GPC6: variants seen among roughly 807,000 people sequenced by gnomAD.
GPC6 encodes glypican 6.
A neutral mutation model predicts 55.2 loss-of-function variants in GPC6; 14 were observed. The ratio of observed to expected loss-of-function variants is 0.25; its 90% CI spans 0.17 to 0.40. The LOEUF (loss-of-function observed/expected upper bound fraction) is 0.40, where lower values mean the gene tolerates loss of function less well. Ranked by LOEUF, GPC6 falls within the 10% of genes least tolerant of loss-of-function variation. GPC6 has a pLI of 1.00. For synonymous variants in GPC6, 278 were observed against 259.6 expected (o/e 1.07, Z -0.68); for missense variants, 641 against 708.5 (o/e 0.90, Z 1.08).
chr13:94,044,941 A>G (rs1217361820), intron 4 of GPC6, among the ~76,000 whole-genome samples: 1 of 151,932 alleles, frequency 6.6e-6, no homozygotes, highest in Non-Finnish European at 1.5e-5. Context: ...TTTTAAAACT[A>G]GGATATTCTT....
chr13:93,568,493 GA>G (rs2139470302), intron 2 of GPC6, among the ~76,000 whole-genome samples: 3 of 152,230 alleles, frequency 2.0e-5, no homozygotes, highest in Non-Finnish European at 4.4e-5. Flanking sequence ...TAGAAGGGAA[GA>G]GAAAGACAGA....
intron 1 of GPC6, among the ~76,000 whole-genome samples, chr13:93,383,617 C>A (rs1488361600): frequency 6.6e-6 from 1 of 152,120 alleles, no homozygotes; most frequent in Non-Finnish European, 1.5e-5. Flanking sequence ...CTTCTGAAGA[C>A]CATGTCATTT....
intron 1 of GPC6, among the ~76,000 whole-genome samples, chr13:93,329,474 C>T (rs970414110): frequency 6.6e-6 from 1 of 152,192 alleles, no homozygotes; most frequent in Non-Finnish European, 1.5e-5. Context: ...CTCTGTTGAT[C>T]AGCTACAATG....
In GPC6 at chr13:93,542,117, C is replaced by G. The variant is rs568588439; in HGVS notation, c.161-3146C>G. Reference sequence around the variant, plus strand: ...CTTGCCCATGCCTATGTCCTGAATGCTAATGCCTAGGTTTTATTCTAGGGT... The same window carrying G: ...CTTGCCCATGCCTATGTCCTGAATGGTAATGCCTAGGTTTTATTCTAGGGT... On this transcript the variant is annotated intron_variant, in intron 1 of 8. Transcript: ENST00000377047. Among the ~76,000 whole-genome samples, 311 of 152,180 alleles carry G rather than the reference C, an allele frequency of 2.0e-3. 1 individual carries two copies. Among genetic ancestry groups the G allele is most frequent in the African/African-American group, 6.5e-3 (270 of 41,520 alleles).
At chr13:93,319,737 A>G (rs1329682322) in intron 1 of GPC6, among the ~76,000 whole-genome samples, 1 of 152,162 alleles carries the variant, frequency 6.6e-6, no homozygotes, top group African/African-American at 2.4e-5. Context: ...GCATTGCCAA[A>G]TTAATGAAAA....
chr13:93,619,695 C>A (rs950565720), intron 2 of GPC6, among the ~76,000 whole-genome samples: 1 of 152,142 alleles, frequency 6.6e-6, no homozygotes, highest in African/African-American at 2.4e-5. Context: ...TTCCACCCTC[C>A]TCAAACTCCC....
In GPC6 at chr13:93,745,203, T is replaced by C. The variant is rs184011184; in HGVS notation, c.320-84951T>C. 1.5e-3 allele frequency among the ~76,000 whole-genome samples: 234 copies of C among 152,212 alleles called. 1 individual carries two copies. Among genetic ancestry groups the C allele is most frequent in the African/African-American group, 5.4e-3 (226 of 41,560 alleles). On this transcript the variant is annotated intron_variant, in intron 2 of 8. Transcript: ENST00000377047. ...ACATTGCTTACCTGACTTCCTTTGTTTGTAATTTTTTCCTTTCAGCCTTCC... is the reference window on the plus strand; with the variant it reads ...ACATTGCTTACCTGACTTCCTTTGTCTGTAATTTTTTCCTTTCAGCCTTCC...
intron 1 of GPC6, among the ~76,000 whole-genome samples, chr13:93,231,391 A>G (rs867996895): frequency 1.3e-3 from 27 of 21,462 alleles, no homozygotes; most frequent in African/African-American, 3.9e-3. Flanking sequence ...ATATATATAT[A>G]TATATGTATA....
intron 1 of GPC6, among the ~76,000 whole-genome samples, chr13:93,424,578 G>A (rs975932909): frequency 5.3e-5 from 8 of 151,914 alleles, no homozygotes; most frequent in African/African-American, 9.7e-5. Context: ...AGACTCTGAT[G>A]TTAGTAGCAG....
At chr13:94,028,480 G>A (rs1484277981) in intron 4 of GPC6, among the ~76,000 whole-genome samples, 2 of 148,910 alleles carry the variant, frequency 1.3e-5, no homozygotes, top group African/African-American at 5.0e-5. Flanking sequence ...GCACTCCCGT[G>A]AGAAAGGACG....
At chr13:94,243,999 T>G (rs892060594) in intron 4 of GPC6, among the ~76,000 whole-genome samples, 4 of 152,258 alleles carry the variant, frequency 2.6e-5, no homozygotes, top group African/African-American at 7.2e-5. Context: ...ATGATTATTT[T>G]CTAAAAAGTA....
At chr13:93,333,554 A>ATTTT (rs1879933244) in intron 1 of GPC6, among the ~76,000 whole-genome samples, 1 of 128,744 alleles carries the variant, frequency 7.8e-6, no homozygotes, top group Non-Finnish European at 1.6e-5. Flanking sequence ...TTTTTTTGAG[A>ATTTT]CAGGGTTTTA....
Position 94,158,195 on chromosome 13 carries a change from T to C in GPC6, c.878-128154T>C, listed in dbSNP as rs570714255. On this transcript the variant is annotated intron_variant, in intron 4 of 8. Coordinates refer to ENST00000377047, the MANE Select transcript of GPC6 (RefSeq NM_005708.5). The stretch of plus-strand genomic sequence containing the variant: ...TCTCCATGGAACATGCATTTTGTAA[T>C]AGCAAAATTATCAAGAGCCTTTTCA... Among the ~76,000 whole-genome samples the C allele has an allele frequency of 1.7e-3, 265 of 152,218 alleles. 2 individuals carry two copies. The highest frequency in any genetic ancestry group is 6.2e-3 in the African/African-American group (256 of 41,534).
intron 2 of GPC6, among the ~76,000 whole-genome samples, chr13:93,791,870 G>C (rs1886047177): frequency 6.6e-6 from 1 of 152,168 alleles, no homozygotes; most frequent in African/African-American, 2.4e-5. Flanking sequence ...TGTCTCAAAT[G>C]AATCTGTTAG....
At chr13:93,278,611 G>A (rs879924144) in intron 1 of GPC6, among the ~76,000 whole-genome samples, 6 of 152,052 alleles carry the variant, frequency 3.9e-5, no homozygotes, top group Admixed American at 6.6e-5. Context: ...TCTTATTCAC[G>A]TACAATAAAA....
chr13:94,295,097 A>G (rs1036130069), intron 5 of GPC6, among the ~76,000 whole-genome samples: 45 of 152,226 alleles, frequency 3.0e-4, no homozygotes, highest in Admixed American at 2.4e-3. Flanking sequence ...AGTATTCTTT[A>G]GACTAGGATA....
chr13:94,232,204 A>T (rs1594081469), intron 4 of GPC6, among the ~76,000 whole-genome samples: 1 of 152,228 alleles, frequency 6.6e-6, no homozygotes, highest in African/African-American at 2.4e-5. Flanking sequence ...TATTCCTTTC[A>T]TATGACCATG....
intron 6 of GPC6, among the ~76,000 whole-genome samples, chr13:94,379,549 A>C (rs904650407): frequency 6.6e-6 from 1 of 152,184 alleles, no homozygotes; most frequent in Non-Finnish European, 1.5e-5. Context: ...CCCTCTTGGG[A>C]CGATGAACAC....
At chr13:93,469,802 G>T (rs1241500243) in intron 1 of GPC6, among the ~76,000 whole-genome samples, 2 of 152,024 alleles carry the variant, frequency 1.3e-5, no homozygotes, top group Admixed American at 1.3e-4. Context: ...TTTTTTTGTT[G>T]TTGGTGGTGG....
Sources: allele counts gnomAD v4.1 joint callset (sites outside exome capture counted in the v4.1 genomes callset), GRCh38; gene constraint gnomAD v4.1.1; transcripts MANE v1.5; gene names NCBI Gene and HGNC (gene_info 2026-07-23, HGNC 2026-07-21).